AKAP6: variants seen among roughly 807,000 people sequenced by gnomAD.
The protein encoded by AKAP6 is A-kinase anchor protein 6.
A neutral mutation model predicts 188.5 loss-of-function variants in AKAP6; 58 were observed. That is an observed-to-expected ratio of 0.31 (90% CI 0.25 to 0.38). The LOEUF is 0.38. AKAP6 is among the 10% of genes least tolerant of loss of function. The pLI is 1.00. For missense variants in AKAP6, 2,710 were observed against 2,740.0 expected, an observed-to-expected ratio of 0.99 and a Z score of 0.24; for synonymous variants, 989 against 998.6, an observed-to-expected ratio of 0.99 and a Z score of 0.18.
At chr14:32,648,962 A>G (rs766083496) in intron 7 of AKAP6, among the ~76,000 whole-genome samples, 7 of 152,198 alleles carry the variant, frequency 4.6e-5, no homozygotes, top group Non-Finnish European at 1.0e-4. Context: ...CAATTTAATT[A>G]TGCTAAAAAT....
intron 2 of AKAP6, among the ~76,000 whole-genome samples, chr14:32,510,248 C>T (rs530247226): frequency 9.2e-5 from 14 of 151,514 alleles, no homozygotes; most frequent in South Asian, 2.1e-4. Flanking sequence ...TTTTAAAATG[C>T]TAGATCTTGC....
At chr14:32,547,147 T>C (rs1350394075) in intron 4 of AKAP6, 148 bp downstream of exon 4, 4 of 829,642 alleles carry the variant, frequency 4.8e-6, no homozygotes, top group Admixed American at 3.0e-5. Flanking sequence ...AAAAGCACAA[T>C]GATCAATGCA....
At chr14:32,674,036 G>T (rs1056968153) in intron 7 of AKAP6, among the ~76,000 whole-genome samples, 2 of 152,224 alleles carry the variant, frequency 1.3e-5, no homozygotes, top group Non-Finnish European at 2.9e-5. Flanking sequence ...GCCTCTCTGA[G>T]AAGTAGCATA....
intron 2 of AKAP6, among the ~76,000 whole-genome samples, chr14:32,517,512 C>T (rs2139045303): frequency 6.6e-6 from 1 of 152,308 alleles, no homozygotes; most frequent in East Asian, 1.9e-4. Context: ...TGTGCTTTTC[C>T]AGTGGTCTTA....
At chr14:32,660,374 G>T (rs1888635433) in intron 7 of AKAP6, among the ~76,000 whole-genome samples, 1 of 152,104 alleles carries the variant, frequency 6.6e-6, no homozygotes, top group Non-Finnish European at 1.5e-5. Flanking sequence ...TTAGCAAAAA[G>T]AAATTGAGAA....
At position 32,535,699 on chromosome 14, in the gene AKAP6, C is replaced by G. The variant is rs774928434; in HGVS notation, c.470C>G (p.Ser157Ter). 1 of 1,614,106 alleles carries G rather than the reference C, an allele frequency of 6.2e-7. No homozygotes were observed. ...VQLLWHQLRV[S>*]VLVLRERILQ... is the part of the protein sequence containing the mutation. ...CTCCTCTGGCACCAGCTTCGAGTCT[C>G]AGTGCTGGTTCTGCGGGAGCGCATT... The change falls in exon 3 of 14, where the codon TCA becomes TGA. Residue 157 changes from serine (S) to a stop codon, truncating the protein, a stop_gained. Transcript: ENST00000280979. LOFTEE classifies it high-confidence loss of function.
intron 4 of AKAP6, among the ~76,000 whole-genome samples, chr14:32,554,409 G>A (rs1883606202): frequency 6.6e-6 from 1 of 152,152 alleles, no homozygotes; most frequent in Non-Finnish European, 1.5e-5. Context: ...TATATAACAA[G>A]CATATGGAAG....
chr14:32,833,967 C>G lies in AKAP6; in HGVS notation c.*4162C>G, dbSNP rs1167823861. The G allele has an allele frequency of 1.3e-5, 2 of 152,166 alleles. No individual in the cohort carries two copies. The highest frequency in any genetic ancestry group is 2.9e-5 in the Non-Finnish European group (2 of 68,032). The allele number at this position is 152,166 out of a possible 1,614,324, so 9.4% of individuals were successfully genotyped here. On this transcript the variant is annotated 3_prime_UTR_variant, in exon 14 of 14. Coordinates refer to ENST00000280979, the MANE Select transcript of AKAP6 (RefSeq NM_004274.5). ...TACTTCATCTCTGTATACACACACA[C>G]TTTTTTGTATGATTAAATCATTTGA... is the stretch of plus-strand genomic sequence containing the variant.
At chr14:32,807,202 G>A (rs1356461432) in intron 12 of AKAP6, among the ~76,000 whole-genome samples, 1 of 151,730 alleles carries the variant, frequency 6.6e-6, no homozygotes, top group Non-Finnish European at 1.5e-5. Context: ...TAAAAAATTA[G>A]CCAGGCATGG....
chr14:32,514,593 T>G (rs556834169), intron 2 of AKAP6, among the ~76,000 whole-genome samples: 1 of 152,344 alleles, frequency 6.6e-6, no homozygotes, highest in Admixed American at 6.5e-5. Context: ...ACCTGTAAGA[T>G]CCTTTATACC....
intron 12 of AKAP6, among the ~76,000 whole-genome samples, chr14:32,786,296 A>ATGGTTTTTTTTTTTTTTTTTTTTTT: frequency 4.3e-5 from 4 of 93,706 alleles, no homozygotes; most frequent in African/African-American, 1.6e-4. Context: ...CTAAACCTTT[A>ATGGTTTTTTTTTTTTTTTTTTTTTT]TCTTTTTTTT....
chr14:32,744,437 C>T (rs1382474205), intron 11 of AKAP6, among the ~76,000 whole-genome samples: 1 of 152,106 alleles, frequency 6.6e-6, no homozygotes, highest in East Asian at 1.9e-4. Flanking sequence ...CTGCCTCAGC[C>T]TCATGAGTAG....
intron 1 of AKAP6, among the ~76,000 whole-genome samples, chr14:32,359,950 T>TGATCTGTCCCTTA (rs1887604763): frequency 6.6e-6 from 1 of 152,174 alleles, no homozygotes; most frequent in Admixed American, 6.5e-5. Flanking sequence ...TCCCTTTCTA[T>TGATCTGTCCCTTA]GATCTGTCCC....
At chr14:32,335,795 T>G (rs1886670556) in intron 1 of AKAP6, among the ~76,000 whole-genome samples, 1 of 151,002 alleles carries the variant, frequency 6.6e-6, no homozygotes, top group African/African-American at 2.4e-5. Context: ...TTACACAACA[T>G]ATTTATGCTG....
intron 12 of AKAP6, among the ~76,000 whole-genome samples, chr14:32,774,159 A>T (rs911318127): frequency 6.6e-6 from 1 of 152,150 alleles, no homozygotes; most frequent in African/African-American, 2.4e-5. Flanking sequence ...TGTCTTTTTG[A>T]AAAAAATCAC....
chr14:32,480,111 T>C (rs1410755825), intron 2 of AKAP6, among the ~76,000 whole-genome samples: 1 of 152,184 alleles, frequency 6.6e-6, no homozygotes. Flanking sequence ...TGTCTCTTAC[T>C]AGTCTGTCTT....
intron 2 of AKAP6, among the ~76,000 whole-genome samples, chr14:32,534,923 C>A (rs1882597789): frequency 6.7e-6 from 1 of 149,932 alleles, no homozygotes; most frequent in Non-Finnish European, 1.5e-5. Context: ...TGAGATTGCG[C>A]CATTGCATTC....
rs148476541 is a variant in AKAP6, at chr14:32,585,480, T to C, written c.2469+8238T>C. On this transcript the variant is annotated intron_variant, in intron 5 of 13. Transcript: ENST00000280979. ...GGACTGTGGGGGAAAATGGTGACTA[T>C]GAACTATATATATGTGTGTGTGTGT... Among the ~76,000 whole-genome samples, 27 of 138,246 alleles carry C rather than the reference T, an allele frequency of 2.0e-4. No homozygotes were observed. The East Asian group carries it at 3.6e-3, about 18-fold the overall frequency. The allele number at this position is 138,246 out of a possible 152,430, so 90.7% of individuals were successfully genotyped here.
chr14:32,459,340 T>A (rs910010768), intron 2 of AKAP6, among the ~76,000 whole-genome samples: 2 of 152,134 alleles, frequency 1.3e-5, no homozygotes, highest in Non-Finnish European at 2.9e-5. Context: ...TTTGCCAAAC[T>A]ATACTTATAA....
Sources: gnomAD v4.1 joint callset for allele counts (sites outside exome capture counted in the v4.1 genomes callset) on GRCh38, gnomAD v4.1.1 for gene constraint, MANE v1.5 for transcripts, NCBI Gene and HGNC (gene_info 2026-07-23, HGNC 2026-07-21) for gene names.